The following CPS1 variants were observed in gnomAD, a reference collection of about 807,000 sequenced individuals.
CPS1 encodes the protein carbamoyl-phosphate synthase 1.
In CPS1, 109 loss-of-function variants were observed where a neutral mutation model predicts 174.6. The ratio of observed to expected loss-of-function variants is 0.62; its 90% CI spans 0.53 to 0.73. The LOEUF (loss-of-function observed/expected upper bound fraction) is 0.73. CPS1 is among the 30% of genes least tolerant of loss of function. The pLI is 0.00. For missense variants in CPS1, 1,689 were observed against 1,821.9 expected, an observed-to-expected ratio of 0.93 and a Z score of 1.33; for synonymous variants, 637 against 632.0, an observed-to-expected ratio of 1.01 and a Z score of -0.12.
chr2:210,489,359 G>C (rs1009131029), intron 1 of CPS1, among the ~76,000 whole-genome samples: 1 of 152,160 alleles, frequency 6.6e-6, no homozygotes, highest in African/African-American at 2.4e-5. Flanking sequence ...GCATTTCAGA[G>C]GACAGAGCAA....
intron 1 of CPS1, among the ~76,000 whole-genome samples, chr2:210,509,597 G>T (rs1410252413): frequency 2.6e-5 from 4 of 152,178 alleles, no homozygotes; most frequent in Non-Finnish European, 5.9e-5. Flanking sequence ...AATTGTTCCT[G>T]TTTGCAGATG....
chr2:210,609,722 A>G (rs1699043583), intron 19 of CPS1, among the ~76,000 whole-genome samples: 1 of 151,930 alleles, frequency 6.6e-6, no homozygotes, highest in African/African-American at 2.4e-5. Context: ...GTACAGAGCA[A>G]AAGGCTGTTT....
At chr2:210,543,133 G>A (rs1312097493) in intron 1 of CPS1, among the ~76,000 whole-genome samples, 2 of 152,134 alleles carry the variant, frequency 1.3e-5, no homozygotes, top group Non-Finnish European at 2.9e-5. Flanking sequence ...CCAATAAAGA[G>A]GATCTAAGTA....
chr2:210,502,778 G>A (rs1158152047), intron 1 of CPS1, among the ~76,000 whole-genome samples: 1 of 152,092 alleles, frequency 6.6e-6, no homozygotes, highest in Admixed American at 6.6e-5. Context: ...ATTTGAGTGA[G>A]GGGTTCAGTT....
intron 20 of CPS1, among the ~76,000 whole-genome samples, chr2:210,613,479 T>C (rs1393765713): frequency 2.0e-5 from 3 of 151,896 alleles, no homozygotes; most frequent in Non-Finnish European, 4.4e-5. Context: ...TAAGAAGTTA[T>C]TTTAGAAAGC....
At chr2:210,482,535 G>T (rs970409123) in intron 1 of CPS1, among the ~76,000 whole-genome samples, 75 of 152,052 alleles carry the variant, frequency 4.9e-4, no homozygotes, top group Non-Finnish European at 9.0e-4. Context: ...CTGGCCAAGT[G>T]ATCCGCCCGC....
At chr2:210,554,836 T>TACACAC (rs3060397), upstream of CPS1, among the ~76,000 whole-genome samples, 19,787 of 147,752 alleles carry the variant, frequency 0.13, 1,525 homozygotes, top group Non-Finnish European at 0.18. Context: ...CAACCCTCAC[T>TACACAC]ACACACACAC....
intron 1 of CPS1, among the ~76,000 whole-genome samples, chr2:210,537,165 A>G (rs530104704): frequency 6.6e-6 from 1 of 152,334 alleles, no homozygotes; most frequent in East Asian, 1.9e-4. Context: ...TTGGGTTTCC[A>G]TTTCCTTAAA....
At chr2:210,502,424 T>A (rs964133323) in intron 1 of CPS1, among the ~76,000 whole-genome samples, 1 of 145,868 alleles carries the variant, frequency 6.9e-6, no homozygotes, top group Non-Finnish European at 1.5e-5. Flanking sequence ...AATATATATA[T>A]AAAAGAGAGA....
At chr2:210,645,542 C>T (rs186758927) in intron 25 of CPS1, among the ~76,000 whole-genome samples, 35 of 152,194 alleles carry the variant, frequency 2.3e-4, no homozygotes, top group Non-Finnish European at 4.6e-4. Context: ...CGCCTGTAAT[C>T]CCAGGATTTG....
chr2:210,587,491 T>C (rs1698147497), intron 6 of CPS1, among the ~76,000 whole-genome samples: 1 of 152,104 alleles, frequency 6.6e-6, no homozygotes, highest in South Asian at 2.1e-4. Flanking sequence ...AAATCTACCA[T>C]TTAAATGCAA....
chr2:210,597,977 A>G (rs1044559264), intron 13 of CPS1, among the ~76,000 whole-genome samples: 2 of 151,944 alleles, frequency 1.3e-5, no homozygotes, highest in African/African-American at 4.8e-5. Flanking sequence ...GAAAATAAAT[A>G]GAAACCAGCA....
intron 1 of CPS1, among the ~76,000 whole-genome samples, chr2:210,535,414 T>G (rs573245512): frequency 6.6e-6 from 1 of 152,296 alleles, no homozygotes; most frequent in African/African-American, 2.4e-5. Flanking sequence ...CTTTTTGCAT[T>G]TAAAAACCTC....
intron 31 of CPS1, 80 bp from the exon 32 acceptor site, chr2:210,660,405 A>G (rs1700877244): frequency 1.4e-6 from 2 of 1,391,336 alleles, no homozygotes; most frequent in Non-Finnish European, 1.0e-6. Flanking sequence ...ACAGCTGGAA[A>G]CCAGTGGTAG....
At chr2:210,515,873 A>C (rs1389519362) in intron 1 of CPS1, among the ~76,000 whole-genome samples, 1 of 151,824 alleles carries the variant, frequency 6.6e-6, no homozygotes, top group Non-Finnish European at 1.5e-5. Context: ...CTTTTGCTGC[A>C]TCACAGAGAT....
intron 1 of CPS1, among the ~76,000 whole-genome samples, chr2:210,564,164 A>G (rs1172080239): frequency 2.6e-5 from 4 of 152,206 alleles, no homozygotes; most frequent in African/African-American, 7.2e-5. Context: ...TTGTAACATC[A>G]TTAGAACATT....
In CPS1 at chr2:210,605,098, C is replaced by G; in HGVS notation, c.1837-4C>G. The G allele has an allele frequency of 6.2e-7, 1 of 1,611,626 alleles. No homozygotes were observed. On this transcript the variant is annotated splice_polypyrimidine_tract_variant and splice_region_variant and intron_variant, in intron 16 of 37. Coordinates refer to ENST00000233072, the MANE Select transcript of CPS1 (RefSeq NM_001875.5). Reference sequence around the variant, plus strand: ...CTTTGATATCTTTTGTCACCAATTTCTAGGCCTTTGCTATGACCAACCAAA... The same window carrying G: ...CTTTGATATCTTTTGTCACCAATTTGTAGGCCTTTGCTATGACCAACCAAA...
chr2:210,582,283 A>G (rs1490987480), intron 5 of CPS1, among the ~76,000 whole-genome samples: 1 of 152,020 alleles, frequency 6.6e-6, no homozygotes, highest in African/African-American at 2.4e-5. Flanking sequence ...TCTTTAGGTC[A>G]TATACGCTGA....
intron 1 of CPS1, among the ~76,000 whole-genome samples, chr2:210,545,746 C>G (rs1175631809): frequency 1.3e-5 from 2 of 151,984 alleles, no homozygotes; most frequent in African/African-American, 2.4e-5. Flanking sequence ...CAATTTTACT[C>G]AAGTTAATTT....
Sources: gnomAD v4.1 joint callset for allele counts (sites outside exome capture counted in the v4.1 genomes callset) on GRCh38, gnomAD v4.1.1 for gene constraint, MANE v1.5 for transcripts, NCBI Gene and HGNC (gene_info 2026-07-23, HGNC 2026-07-21) for gene names.